Variants in MYH10 observed in about 807,000 individuals in gnomAD.
The protein encoded by MYH10 is myosin-10.
Under a neutral mutation model 257.8 loss-of-function variants are expected in MYH10, and 55 were observed. That is an observed-to-expected ratio of 0.21 (90% CI 0.17 to 0.27). The LOEUF (loss-of-function observed/expected upper bound fraction) is 0.27. Among genes scored for constraint, MYH10 ranks in the 10% least tolerant of loss-of-function variants. MYH10 has a pLI of 1.00. For missense variants in MYH10, 1,631 were observed against 2,500.6 expected, an observed-to-expected ratio of 0.65 and a Z score of 7.42; for synonymous variants, 854 against 921.7, an observed-to-expected ratio of 0.93 and a Z score of 1.33.
chr17:8,539,976 C>A (rs2082247559), intron 14 of MYH10, among the ~76,000 whole-genome samples: 1 of 152,120 alleles, frequency 6.6e-6, no homozygotes, highest in South Asian at 2.1e-4. Flanking sequence ...ACATCAAACC[C>A]TTTCTACTTC....
chr17:8,492,839 C>T lies in MYH10; in HGVS notation c.4395G>A (p.Val1465=), dbSNP rs749725842. The T allele has an allele frequency of 6.2e-7, 1 of 1,614,056 alleles. No homozygotes were observed. Among genetic ancestry groups the T allele is most frequent in the Non-Finnish European group, 8.5e-7 (1 of 1,180,012 alleles). The change falls in exon 33 of 43, where the codon GTG becomes GTA. Residue 1465 remains valine (V), a synonymous_variant. Transcript: ENST00000360416. ...CGACCTGGCGCTGGTGGTCCAGGTC[C>T]ACCGTGAGGTCGTCCAGCTCCTGCT... ...RLQQELDDLT[V]DLDHQRQVAS...
chr17:8,558,721 T>G (rs2082889248), intron 7 of MYH10, among the ~76,000 whole-genome samples: 1 of 152,264 alleles, frequency 6.6e-6, no homozygotes, highest in African/African-American at 2.4e-5. Context: ...AATAGTTGAA[T>G]ATACAAAATT....
chr17:8,612,640 C>T (rs1156328289), intron 2 of MYH10, among the ~76,000 whole-genome samples: 1 of 152,102 alleles, frequency 6.6e-6, no homozygotes, highest in Non-Finnish European at 1.5e-5. Flanking sequence ...ATCACGAGGT[C>T]AGGAGTTCAA....
chr17:8,590,216 T>C (rs1158926480), intron 3 of MYH10, among the ~76,000 whole-genome samples: 1 of 152,250 alleles, frequency 6.6e-6, no homozygotes, highest in Non-Finnish European at 1.5e-5. Context: ...CGTATTCTTT[T>C]TTACATAATA....
chr17:8,601,132 T>C (rs1252098204), intron 3 of MYH10, among the ~76,000 whole-genome samples: 1 of 152,180 alleles, frequency 6.6e-6, no homozygotes, highest in Non-Finnish European at 1.5e-5. Flanking sequence ...AGCAAAACTT[T>C]CCTTTCCATC....
intron 28 of MYH10, 53 bp from the exon 29 acceptor site, chr17:8,501,023 C>A: frequency 6.5e-7 from 1 of 1,536,114 alleles, no homozygotes; most frequent in South Asian, 1.2e-5. Flanking sequence ...TGATTAAAAA[C>A]ACATTTTCTT....
chr17:8,508,516 T>G (rs374613881), intron 26 of MYH10, 38 bp downstream of exon 26: 1 of 1,612,514 alleles, frequency 6.2e-7, no homozygotes, highest in Non-Finnish European at 8.5e-7. Context: ...AACACTCACA[T>G]GTCCTAGTCC....
chr17:8,616,285 A>C (rs1047571589), intron 2 of MYH10, among the ~76,000 whole-genome samples: 1 of 149,726 alleles, frequency 6.7e-6, no homozygotes, highest in African/African-American at 2.4e-5. Flanking sequence ...TTTGTCTCCA[A>C]AAAAAAAAAG....
intron 7 of MYH10, among the ~76,000 whole-genome samples, chr17:8,562,844 T>G (rs914062563): frequency 2.6e-4 from 39 of 152,242 alleles, no homozygotes; most frequent in African/African-American, 8.4e-4. Flanking sequence ...GGATATTTGA[T>G]ATTTTCATAC....
At chr17:8,565,613 A>C (rs144966059) in intron 7 of MYH10, among the ~76,000 whole-genome samples, 142 of 152,378 alleles carry the variant, frequency 9.3e-4, no homozygotes, top group African/African-American at 3.1e-3. Flanking sequence ...CAATGCCCTA[A>C]TAAAAAATCT....
At chr17:8,625,361 A>C (rs1198279177) in intron 1 of MYH10, among the ~76,000 whole-genome samples, 2 of 152,264 alleles carry the variant, frequency 1.3e-5, no homozygotes, top group Non-Finnish European at 2.9e-5. Flanking sequence ...CATCTTCTAT[A>C]GTAGCGGCTG....
rs796844335 is a variant in MYH10 at position 8,477,158 on chromosome 17, C to T, written c.5707-110G>A. 52 of 1,236,998 alleles carry T rather than the reference C, an allele frequency of 4.2e-5. No homozygotes were observed. The African/African-American group carries it at 4.3e-4, about 10-fold the overall frequency. 76.6% of individuals were successfully genotyped at this position (1,236,998 alleles called of 1,614,324 possible). A position where few individuals can be genotyped will look rare whatever the true frequency, so the allele number is the denominator to read the frequency against. Reference sequence around the variant, plus strand: ...GCTCTGCCTGTTACCCTTGTGAGCACGCGTGTACACGGATGTACACGCGTG... The same window carrying T: ...GCTCTGCCTGTTACCCTTGTGAGCATGCGTGTACACGGATGTACACGCGTG... On this transcript the variant is annotated intron_variant, in intron 41 of 42. Transcript: ENST00000360416. This position sits in a 1 kb window ranked among gnomAD's most constrained non-coding sequence, Gnocchi z 4.2.
At chr17:8,508,445 A>T (rs1469747633) in intron 26 of MYH10, 109 bp downstream of exon 26, 1 of 1,469,784 alleles carries the variant, frequency 6.8e-7, no homozygotes. Context: ...GAAGGTCCTT[A>T]TTATTAGTAA....
chr17:8,530,541 A>AC (rs1413200899), intron 17 of MYH10, 82 bp downstream of exon 17: 2 of 80,362 alleles, frequency 2.5e-5, no homozygotes, highest in Non-Finnish European at 2.6e-5. Context: ...CTCCCCGGCC[A>AC]CCCTGCCAGT....
chr17:8,496,000 C>T (rs551917764), intron 30 of MYH10, among the ~76,000 whole-genome samples: 96 of 152,300 alleles, frequency 6.3e-4, no homozygotes, highest in African/African-American at 2.1e-3. Flanking sequence ...TGAGCCACCA[C>T]ACCCGGCTGG....
intron 19 of MYH10, among the ~76,000 whole-genome samples, chr17:8,520,347 T>G (rs1158899000): frequency 6.6e-6 from 1 of 152,046 alleles, no homozygotes; most frequent in South Asian, 2.1e-4. Context: ...ATACAAAAAT[T>G]TAGCTGGGCA....
At chr17:8,630,570 T>G (rs1007946968) in intron 1 of MYH10, 84 bp downstream of exon 1, 1 of 153,726 alleles carries the variant, frequency 6.5e-6, no homozygotes, top group Admixed American at 6.5e-5. Flanking sequence ...CCGGGACCCC[T>G]CAGCCCAGGA....
intron 17 of MYH10, among the ~76,000 whole-genome samples, 154 bp downstream of exon 17, chr17:8,530,469 G>A (rs1410900356): frequency 1.3e-5 from 2 of 152,098 alleles, no homozygotes; most frequent in African/African-American, 2.4e-5. Context: ...GTTCATGCAG[G>A]CCTATGAGCA....
chr17:8,614,307 CTTTTTTTTTTTTTTTT>C (rs35801623), intron 2 of MYH10, among the ~76,000 whole-genome samples: 5 of 77,122 alleles, frequency 6.5e-5, no homozygotes, highest in African/African-American at 1.1e-4. Flanking sequence ...CAATTCACTT[CTTTTTTTTTTTTTTTT>C]TTTTTTTTTT....
Sources: gnomAD v4.1 joint callset for allele counts (sites outside exome capture counted in the v4.1 genomes callset) on GRCh38, gnomAD v4.1.1 for gene constraint, Gnocchi (gnomAD v3.1) non-coding constraint, MANE v1.5 for transcripts, NCBI Gene and HGNC (gene_info 2026-07-23, HGNC 2026-07-21) for gene names.